CLEC6A: variants seen among roughly 807,000 people sequenced by gnomAD.
CLEC6A encodes C-type lectin domain family 6 member A.
Under a neutral mutation model 25.7 loss-of-function variants are expected in CLEC6A, and 22 were observed. The observed-to-expected ratio is 0.85, with a 90% CI of 0.61 to 1.22. The LOEUF (loss-of-function observed/expected upper bound fraction) is 1.22. CLEC6A is among the 50% of genes most tolerant of loss of function. The probability of loss-of-function intolerance (pLI) is 0.00; values close to 1 mark genes in which losing one functional copy is unlikely to be tolerated. For missense variants in CLEC6A, 240 were observed against 236.8 expected (o/e 1.01, Z -0.09); for synonymous variants, 92 against 76.7 (o/e 1.20, Z -1.04).
rs1314439096 is a variant in CLEC6A at position 8,477,773 on chromosome 12, T to A, written c.*309T>A. ...TTGTTTCAGAGACTGTACTATTTTGTTTGTTAGAAGATTTATAAGGCAGTA... is the reference window on the plus strand; with the variant it reads ...TTGTTTCAGAGACTGTACTATTTTGATTGTTAGAAGATTTATAAGGCAGTA... On this transcript the variant is annotated 3_prime_UTR_variant, in exon 6 of 6. Transcript: ENST00000382073. The A allele has an allele frequency of 5.6e-6, 1 of 177,440 alleles. No individual in the cohort carries two copies. Among genetic ancestry groups the A allele is most frequent in the Admixed American group, 6.3e-5 (1 of 15,958 alleles). 11.0% of individuals were successfully genotyped at this position (177,440 alleles called of 1,614,324 possible).
At chr12:8,474,443 A>G (rs1939944368) in intron 4 of CLEC6A, among the ~76,000 whole-genome samples, 1 of 152,206 alleles carries the variant, frequency 6.6e-6, no homozygotes, top group Non-Finnish European at 1.5e-5. Context: ...CTATATTTGT[A>G]GCAGTACTCT....
chr12:8,456,034 G>C lies in CLEC6A; in HGVS notation c.-78G>C. 7.1e-7 allele frequency: 1 copy of C among 1,415,356 alleles called. No homozygotes were observed. The highest frequency in any genetic ancestry group is 2.3e-5 in the East Asian group (1 of 43,812). The allele number at this position is 1,415,356 out of a possible 1,614,324, so 87.7% of individuals were successfully genotyped here. Reference sequence around the variant, plus strand: ...CTGAGCTCTAGCTTCTTTAAATGAAGCTGAGTCTCTGGGCAACATCTTTAG... The same window carrying C: ...CTGAGCTCTAGCTTCTTTAAATGAACCTGAGTCTCTGGGCAACATCTTTAG... On this transcript the variant is annotated 5_prime_UTR_variant, in exon 1 of 6. Coordinates refer to ENST00000382073, the MANE Select transcript of CLEC6A (RefSeq NM_001007033.2).
intron 4 of CLEC6A, among the ~76,000 whole-genome samples, chr12:8,471,609 CAG>C (rs944830087): frequency 6.6e-6 from 1 of 151,970 alleles, no homozygotes; most frequent in African/African-American, 2.4e-5. Context: ...TTTATTTCTG[CAG>C]ATATTTTGTA....
At chr12:8,462,172 C>G (rs4883152) in intron 3 of CLEC6A, among the ~76,000 whole-genome samples, 109,510 of 143,840 alleles carry the variant, frequency 0.76, 41,806 homozygotes, top group East Asian at 0.98. Flanking sequence ...CAGCATGCTC[C>G]TTAAGAGTCA....
intron 3 of CLEC6A, among the ~76,000 whole-genome samples, chr12:8,462,778 G>A (rs1046139298): frequency 3.3e-5 from 5 of 151,934 alleles, no homozygotes; most frequent in African/African-American, 1.2e-4. Context: ...GCTGAACGCT[G>A]GTTCCCTGGG....
In CLEC6A at chr12:8,475,831, A is replaced by T. The variant is rs192717825; in HGVS notation, c.370-294A>T. Among the ~76,000 whole-genome samples, 103 of 149,382 alleles carry T rather than the reference A, an allele frequency of 6.9e-4. 2 individuals are homozygous for T. Among genetic ancestry groups the T allele is most frequent in the South Asian group, 2.9e-3 (14 of 4,760 alleles). On this transcript the variant is annotated intron_variant, in intron 4 of 5. Transcript: ENST00000382073. ...ATTACACCATCTCAACATATAAAATAAAAAAAAAGATTGAAAACACAAAAC... is the reference window on the plus strand; with the variant it reads ...ATTACACCATCTCAACATATAAAATTAAAAAAAAGATTGAAAACACAAAAC...
In CLEC6A at chr12:8,476,258, GC is replaced by G; in HGVS notation, c.485+20del. 1 of 1,411,632 alleles carries G rather than the reference GC, an allele frequency of 7.1e-7. No individual in the cohort carries two copies. The highest frequency in any genetic ancestry group is 9.8e-7 in the Non-Finnish European group (1 of 1,016,950). The allele number at this position is 1,411,632 out of a possible 1,614,324, so 87.4% of individuals were successfully genotyped here. ...AATGTCAGGTGAGTGCAGTTCTGGG[GC>G]CTTGTTTACATAGAAAATCTAGGGA... On this transcript the variant is annotated intron_variant, in intron 5 of 5. Coordinates refer to ENST00000382073, the MANE Select transcript of CLEC6A (RefSeq NM_001007033.2).
intron 4 of CLEC6A, among the ~76,000 whole-genome samples, chr12:8,467,981 C>A (rs971149038): frequency 1.3e-5 from 2 of 151,920 alleles, no homozygotes; most frequent in African/African-American, 4.8e-5. Context: ...TTTGCTCTGT[C>A]ACCAGGCTGG....
chr12:8,462,136 T>C (rs867483582), intron 3 of CLEC6A, among the ~76,000 whole-genome samples: 22 of 152,048 alleles, frequency 1.4e-4, no homozygotes, highest in Non-Finnish European at 2.1e-4. Context: ...GTGCAGGATG[T>C]GCTTTGTTAA....
intron 4 of CLEC6A, among the ~76,000 whole-genome samples, chr12:8,474,369 C>G (rs1939943737): frequency 6.6e-6 from 1 of 152,128 alleles, no homozygotes; most frequent in African/African-American, 2.4e-5. Context: ...TGTCAAAGAT[C>G]AGATGGCTAC....
At chr12:8,456,953 G>C (rs1591704689) in intron 1 of CLEC6A, among the ~76,000 whole-genome samples, 1 of 152,070 alleles carries the variant, frequency 6.6e-6, no homozygotes, top group South Asian at 2.1e-4. Context: ...CTAATAAAAA[G>C]ACAAAACTTA....
chr12:8,459,552 T>C, intron 2 of CLEC6A, 45 bp from the exon 3 acceptor site: 1 of 1,276,840 alleles, frequency 7.8e-7, no homozygotes, highest in Non-Finnish European at 1.1e-6. Context: ...TAAGGCTTTA[T>C]AGCAAAATAA....
At chr12:8,457,109 CAAAA>C (rs550398985) in intron 1 of CLEC6A, among the ~76,000 whole-genome samples, 1 of 132,206 alleles carries the variant, frequency 7.6e-6, no homozygotes, top group Non-Finnish European at 1.6e-5. Context: ...GACTCCATGT[CAAAA>C]AAAAAAAAAA....
intron 4 of CLEC6A, among the ~76,000 whole-genome samples, chr12:8,467,747 C>T (rs927118991): frequency 7.9e-5 from 12 of 152,088 alleles, no homozygotes; most frequent in African/African-American, 2.2e-4. Context: ...TGGTAGGGAT[C>T]ACATTGACTC....
intron 4 of CLEC6A, among the ~76,000 whole-genome samples, chr12:8,471,027 G>C (rs890059433): frequency 1.3e-5 from 2 of 151,994 alleles, no homozygotes; most frequent in Admixed American, 6.6e-5. Flanking sequence ...TTTGTCAAAT[G>C]GGTTTTATGC....
At chr12:8,475,626 T>A (rs1939963633) in intron 4 of CLEC6A, among the ~76,000 whole-genome samples, 1 of 151,868 alleles carries the variant, frequency 6.6e-6, no homozygotes, top group Non-Finnish European at 1.5e-5. Context: ...ATGGATGAAT[T>A]CCTCCTTCCT....
Position 8,465,520 on chromosome 12 carries a change from G to A in CLEC6A, c.260G>A (p.Gly87Asp), listed in dbSNP as rs1412692334. The A allele has an allele frequency of 1.9e-6, 3 of 1,613,914 alleles. No individual in the cohort carries two copies. The highest frequency in any genetic ancestry group is 2.2e-5 in the East Asian group (1 of 44,866). The change falls in exon 4 of 6, where the codon GGT becomes GAT. Residue 87 changes from glycine to aspartate, a missense_variant. Physicochemically the swap from Gly to Asp is moderately conservative, Grantham distance 94 (BLOSUM62 -1). Coordinates refer to ENST00000382073, the MANE Select transcript of CLEC6A (RefSeq NM_001007033.2). ...GCCPASWKSF[G>D]SSCYFISSEE... ...TGCCCAGCTTCTTGGAAGTCATTTG[G>A]TTCCAGTTGCTACTTCATTTCCAGT... is the stretch of plus-strand genomic sequence containing the variant.
chr12:8,460,726 C>T (rs1453247049), intron 3 of CLEC6A: 1 of 1,465,542 alleles, frequency 6.8e-7, no homozygotes, highest in East Asian at 2.3e-5. Context: ...CTCTGCTCTC[C>T]ACAGGGCTCC....
rs143716114 is a variant in CLEC6A at position 8,470,637 on chromosome 12, T to C, written c.369+5008T>C. 7.9e-3 allele frequency among the ~76,000 whole-genome samples: 1,200 copies of C among 152,252 alleles called. 23 individuals carry two copies. Among genetic ancestry groups the C allele is most frequent in the African/African-American group, 0.028 (1,162 of 41,554 alleles). The stretch of plus-strand genomic sequence containing the variant: ...TTAAAGACCATTATTCTAAGTGAAG[T>C]AACTCAGGAATGGAAAACCAAACAT... On this transcript the variant is annotated intron_variant, in intron 4 of 5. Transcript: ENST00000382073.
Sources: allele counts gnomAD v4.1 joint callset (sites outside exome capture counted in the v4.1 genomes callset), GRCh38; gene constraint gnomAD v4.1.1; transcripts MANE v1.5; gene names NCBI Gene and HGNC (gene_info 2026-07-23, HGNC 2026-07-21).